Variants in P2RY6 observed in about 807,000 individuals in gnomAD.
P2RY6 encodes pyrimidinergic receptor P2Y6.
P2RY6 carries 19 observed loss-of-function variants against 16.3 expected under a neutral mutation model. That is an observed-to-expected ratio of 1.16 (90% confidence interval 0.81 to 1.71). The LOEUF (loss-of-function observed/expected upper bound fraction) is 1.71. P2RY6 is among the 40% of genes most tolerant of loss of function. The pLI, the probability that P2RY6 is intolerant of heterozygous loss-of-function variation, is 0.00. For missense variants in P2RY6, 389 were observed against 455.5 expected, an observed-to-expected ratio of 0.85 and a Z score of 1.33; for synonymous variants, 184 against 201.5, an observed-to-expected ratio of 0.91 and a Z score of 0.74.
chr11:73,270,296 A>G (rs987328241), upstream of P2RY6: 3 of 152,160 alleles, frequency 2.0e-5, no homozygotes, highest in Admixed American at 6.5e-5. Flanking sequence ...TGCAAGGAAA[A>G]TGCCTTCAGC....
At position 73,282,796 on chromosome 11, in the gene P2RY6, G is replaced by A. The variant is rs544706062; in HGVS notation, c.-121+10330G>A. Among the ~76,000 whole-genome samples, 1,433 of 152,286 alleles carry A rather than the reference G, an allele frequency of 9.4e-3. 7 individuals are homozygous for A. The highest frequency in any genetic ancestry group is 0.015 in the Non-Finnish European group (1,006 of 68,030). On this transcript the variant is annotated intron_variant, in intron 1 of 2. Transcript: ENST00000540124. Reference sequence around the variant, plus strand: ...GGGAGGGAGGGAGGAAGGGAGCAAAGGTTGCAAGGGAAGTCATTTCTCATG... The same window carrying A: ...GGGAGGGAGGGAGGAAGGGAGCAAAAGTTGCAAGGGAAGTCATTTCTCATG...
chr11:73,284,986 C>T lies in P2RY6; in HGVS notation c.-120-10744C>T, dbSNP rs541014951. Among the ~76,000 whole-genome samples, 8 of 152,256 alleles carry T rather than the reference C, an allele frequency of 5.3e-5. No homozygotes were observed. In the East Asian group the frequency reaches 1.4e-3, roughly 26 times the overall value. ...AGGAATCACACATGCACATGCGTTG[C>T]GTAGGGGTTTATAATTTTAGCTTAG... On this transcript the variant is annotated intron_variant, in intron 1 of 2. Transcript: ENST00000540124.
intron 1 of P2RY6, among the ~76,000 whole-genome samples, chr11:73,278,734 T>C (rs998897429): frequency 6.6e-6 from 1 of 152,266 alleles, no homozygotes; most frequent in South Asian, 2.1e-4. Context: ...ATCTATTGTA[T>C]GTATATATCA....
chr11:73,290,365 AGGAAAGAAAGAG>A (rs1565170853), intron 1 of P2RY6, among the ~76,000 whole-genome samples: 10 of 102,422 alleles, frequency 9.8e-5, no homozygotes, highest in African/African-American at 3.2e-4. Context: ...GAAAGAAAGA[AGGAAAGAAAGAG>A]AAAGAAAGAA....
At chr11:73,276,793 G>C (rs1863556314) in intron 1 of P2RY6, among the ~76,000 whole-genome samples, 1 of 152,208 alleles carries the variant, frequency 6.6e-6, no homozygotes, top group Non-Finnish European at 1.5e-5. Flanking sequence ...AGTGACGATG[G>C]TTGCACAATC....
intron 1 of P2RY6, among the ~76,000 whole-genome samples, chr11:73,279,043 CTT>C (rs766418768): frequency 7.3e-5 from 10 of 137,620 alleles, no homozygotes; most frequent in Admixed American, 1.5e-4. Flanking sequence ...CTAGGTTGGC[CTT>C]TTTTTTTTTT....
At chr11:73,275,410 T>A (rs1863497167) in intron 1 of P2RY6, among the ~76,000 whole-genome samples, 1 of 152,130 alleles carries the variant, frequency 6.6e-6, no homozygotes, top group African/African-American at 2.4e-5. Context: ...GAGTGTCCTA[T>A]CCCTTCTATT....
At position 73,297,504 on chromosome 11, in the gene P2RY6, G is replaced by A. The variant is rs1410958167; in HGVS notation, c.986G>A (p.Ter329=). 6.9e-6 allele frequency: 11 copies of A among 1,604,578 alleles called. No homozygotes were observed. The highest frequency in any genetic ancestry group is 9.4e-6 in the Non-Finnish European group (11 of 1,173,086). Residue 329 remains the stop codon, a stop_retained_variant, in exon 3 of 3, where the codon TGA becomes TAA. Coordinates refer to ENST00000540124, the MANE Select transcript of P2RY6 (RefSeq NM_001277204.2). ...LTAKWQRQGR[*] is the part of the protein sequence containing the mutation. ...GCCAAATGGCAGAGGCAGGGTCGCT[G>A]AGTCCTCCAGGTCCTGGGCAGCCTT...
At chr11:73,290,332 AAAGAAAG>A (rs1182856901) in intron 1 of P2RY6, among the ~76,000 whole-genome samples, 1 of 149,506 alleles carries the variant, frequency 6.7e-6, no homozygotes, top group African/African-American at 2.5e-5. Context: ...AGAAAGAAAG[AAAGAAAG>A]AAAGAAAGAA....
intron 1 of P2RY6, among the ~76,000 whole-genome samples, chr11:73,283,040 C>G (rs1184700162): frequency 6.6e-6 from 1 of 152,166 alleles, no homozygotes; most frequent in African/African-American, 2.4e-5. Flanking sequence ...CGGGAACCCC[C>G]AGGTCTGTTG....
intron 1 of P2RY6, among the ~76,000 whole-genome samples, chr11:73,280,872 A>G (rs1240037994): frequency 6.6e-6 from 1 of 152,146 alleles, no homozygotes. Flanking sequence ...AGGCACTGGG[A>G]AGATATAGAG....
intron 1 of P2RY6, among the ~76,000 whole-genome samples, chr11:73,280,016 C>T (rs947606361): frequency 1.3e-5 from 2 of 152,134 alleles, no homozygotes; most frequent in African/African-American, 4.8e-5. Context: ...TCCTAAAGGA[C>T]GCAGCATTTA....
upstream of P2RY6, among the ~76,000 whole-genome samples, chr11:73,270,625 C>T (rs1863261220): frequency 6.6e-6 from 1 of 152,212 alleles, no homozygotes; most frequent in African/African-American, 2.4e-5. Context: ...GGATGTGCTC[C>T]CTCTCTGGAC....
intron 1 of P2RY6, among the ~76,000 whole-genome samples, chr11:73,283,620 C>T (rs1281816245): frequency 6.6e-6 from 1 of 152,226 alleles, no homozygotes; most frequent in African/African-American, 2.4e-5. Context: ...CAGTTGCTGG[C>T]TCCTTGGTTC....
At chr11:73,275,783 C>G (rs1448382777) in intron 1 of P2RY6, among the ~76,000 whole-genome samples, 1 of 152,188 alleles carries the variant, frequency 6.6e-6, no homozygotes, top group African/African-American at 2.4e-5. Flanking sequence ...GGTATCCTCC[C>G]AGGCTGGAAA....
intron 1 of P2RY6, among the ~76,000 whole-genome samples, chr11:73,285,552 T>G (rs1418236066): frequency 6.6e-6 from 1 of 152,170 alleles, no homozygotes; most frequent in Non-Finnish European, 1.5e-5. Flanking sequence ...CAGGCCAGTT[T>G]GAGGGTGAAG....
chr11:73,287,315 A>T (rs1346026407), intron 1 of P2RY6, among the ~76,000 whole-genome samples: 2 of 152,222 alleles, frequency 1.3e-5, no homozygotes, highest in African/African-American at 2.4e-5. Context: ...AAGCGCCAGA[A>T]TTGACTCTGA....
rs1864564836 is a variant in P2RY6 at position 73,297,509 on chromosome 11, C to T, written c.*4C>T. 3 of 1,599,884 alleles carry T rather than the reference C, an allele frequency of 1.9e-6. No individual in the cohort carries two copies. Among genetic ancestry groups the T allele is most frequent in the Admixed American group, 1.7e-5 (1 of 59,610 alleles). ...ATGGCAGAGGCAGGGTCGCTGAGTC[C>T]TCCAGGTCCTGGGCAGCCTTCATAT... is the stretch of plus-strand genomic sequence containing the variant. On this transcript the variant is annotated 3_prime_UTR_variant, in exon 3 of 3. Transcript: ENST00000540124.
At chr11:73,286,552 G>C (rs1863980839) in intron 1 of P2RY6, among the ~76,000 whole-genome samples, 1 of 149,576 alleles carries the variant, frequency 6.7e-6, no homozygotes, top group South Asian at 2.1e-4. Context: ...AATCTTCTCT[G>C]TCATCAGTCA....
Sources: allele counts gnomAD v4.1 joint callset (sites outside exome capture counted in the v4.1 genomes callset), GRCh38; gene constraint gnomAD v4.1.1; transcripts MANE v1.5; gene names NCBI Gene and HGNC (gene_info 2026-07-23, HGNC 2026-07-21).